MUS81: variants seen among roughly 807,000 people sequenced by gnomAD.
MUS81 encodes the protein structure-specific endonuclease subunit MUS81.
Under a neutral mutation model 74.2 loss-of-function variants are expected in MUS81, and 69 were observed. The observed-to-expected ratio is 0.93, with a 90% CI of 0.77 to 1.14. The LOEUF (loss-of-function observed/expected upper bound fraction) is 1.14. Ranked by LOEUF, MUS81 falls within the 50% of genes most tolerant of loss-of-function variation. The pLI is 0.00. For synonymous variants in MUS81, 303 were observed against 300.6 expected (o/e 1.01, Z -0.08); for missense variants, 711 against 726.5 (o/e 0.98, Z 0.25).
At chr11:65,865,403 G>T in intron 14 of MUS81, 80 bp downstream of exon 14, 1 of 1,408,992 alleles carries the variant, frequency 7.1e-7, no homozygotes, top group South Asian at 1.3e-5. Flanking sequence ...GCTTCGTGGA[G>T]GGGGCCTGGC....
Position 65,866,079 on chromosome 11 carries a change from C to T in MUS81, c.*27C>T. ...CTTATGCCGTGAAACAGCCCCCAGC[C>T]CCCGTCTGTCCCCCAACCCAGGCTA... On this transcript the variant is annotated 3_prime_UTR_variant, in exon 16 of 16. Transcript: ENST00000308110. 6.2e-7 allele frequency: 1 copy of T among 1,602,126 alleles called. No homozygotes were observed. The highest frequency in any genetic ancestry group is 2.2e-5 in the East Asian group (1 of 44,830).
In MUS81 at chr11:65,865,896, T is replaced by C. The variant is rs753023588; in HGVS notation, c.1589+2T>C. ...CATTAAGTGTGGGCGTCTACAGAGG[T>C]GAGGGCAAGAGACGGAACCTGGAGG... On this transcript the variant is annotated splice_donor_variant, in intron 15 of 15. Transcript: ENST00000308110. LOFTEE classifies it high-confidence loss of function. 1.9e-6 allele frequency: 3 copies of C among 1,613,636 alleles called. No homozygotes were observed. In the African/African-American group the frequency reaches 4.0e-5, roughly 22 times the overall value.
rs775139577 is a variant in MUS81 at position 65,865,338 on chromosome 11, G to A, written c.1505+15G>A. ...ACCCCTGCCAGGTAGGCCCTAAAGG[G>A]CCCTTAGGTGTCCTCAGCCCCTGCC... On this transcript the variant is annotated intron_variant, in intron 14 of 15. Transcript: ENST00000308110. 4 of 1,608,176 alleles carry A rather than the reference G, an allele frequency of 2.5e-6. No individual in the cohort carries two copies. The East Asian group carries it at 8.9e-5, about 36-fold the overall frequency.
chr11:65,865,703 A>G, intron 14 of MUS81, 108 bp from the exon 15 acceptor site: 1 of 1,122,088 alleles, frequency 8.9e-7, no homozygotes, highest in East Asian at 2.4e-5. Flanking sequence ...GAAGTGGGGC[A>G]GTGTCCCAAC....
intron 7 of MUS81, 45 bp downstream of exon 7, chr11:65,863,250 T>C (rs930599451): frequency 6.3e-7 from 1 of 1,591,376 alleles, no homozygotes; most frequent in Non-Finnish European, 8.6e-7. Flanking sequence ...GAGGAGGGGA[T>C]GGGAAATGAG....
Position 65,860,541 on chromosome 11 carries a change from A to C in MUS81, c.-213A>C. ...TCGTTAGAGACAGCGCCCCTGACCA[A>C]CCACTTAGAGCAGCGCAGGGGTGGG... On this transcript the variant is annotated 5_prime_UTR_variant, in exon 1 of 16. Transcript: ENST00000308110. 1.6e-6 allele frequency: 1 copy of C among 634,198 alleles called. No homozygotes were observed. The highest frequency in any genetic ancestry group is 2.7e-6 in the Non-Finnish European group (1 of 365,236). 39.3% of individuals were successfully genotyped at this position (634,198 alleles called of 1,614,324 possible).
In MUS81 at chr11:65,863,602, G is replaced by A; in HGVS notation, c.842G>A (p.Gly281Asp). The change falls in exon 9 of 16, where the codon GGC becomes GAC. Residue 281 changes from glycine to aspartate, a missense_variant and splice_region_variant. Gly to Asp is a moderately conservative substitution (Grantham distance 94). Coordinates refer to ENST00000308110, the MANE Select transcript of MUS81 (RefSeq NM_025128.5). Reference protein sequence around the residue: ...LCVDIGETRGGGHRPELLREL... With the variant: ...LCVDIGETRGDGHRPELLREL... ...GGCTTCCCTCCTTGCCACTCCAGGG[G>A]CGGGCACAGGCCGGAGCTGCTCCGA... 1.2e-6 allele frequency: 2 copies of A among 1,614,034 alleles called. No homozygotes were observed. The highest frequency in any genetic ancestry group is 1.7e-6 in the Non-Finnish European group (2 of 1,179,984).
intron 14 of MUS81, 54 bp from the exon 15 acceptor site, chr11:65,865,757 C>G: frequency 6.4e-7 from 1 of 1,557,540 alleles, no homozygotes; most frequent in African/African-American, 1.4e-5. Flanking sequence ...CCTCATGGTG[C>G]TGGCCCAGAG....
At chr11:65,861,165 C>G in intron 2 of MUS81, 63 bp downstream of exon 2, 1 of 1,606,770 alleles carries the variant, frequency 6.2e-7, no homozygotes, top group Non-Finnish European at 8.5e-7. Context: ...TCCGTACTCT[C>G]CTGGGAGCCC....
Position 65,860,602 on chromosome 11 carries a change from C to T in MUS81, c.-152C>T. On this transcript the variant is annotated 5_prime_UTR_variant, in exon 1 of 16. Transcript: ENST00000308110. ...CAGGCTCTCCTCTCGTTAGTGCCCCCTGTGTTTGGGGCCCCGTGATCTCAA... is the reference window on the plus strand; with the variant it reads ...CAGGCTCTCCTCTCGTTAGTGCCCCTTGTGTTTGGGGCCCCGTGATCTCAA... 9.5e-7 allele frequency: 1 copy of T among 1,056,560 alleles called. No individual in the cohort carries two copies. The highest frequency in any genetic ancestry group is 1.4e-6 in the Non-Finnish European group (1 of 723,430). The allele number at this position is 1,056,560 out of a possible 1,614,324, so 65.4% of individuals were successfully genotyped here.
At position 65,861,083 on chromosome 11, in the gene MUS81, G is replaced by A; in HGVS notation, c.246G>A (p.Gln82=). The change falls in exon 2 of 16, where the codon CAG becomes CAA. Residue 82 remains glutamine (Q), a synonymous_variant. Coordinates refer to ENST00000308110, the MANE Select transcript of MUS81 (RefSeq NM_025128.5). ...GCCGGATGCTGGACGAGCGGCTGCA[G>A]CGGCACCGAACATCGGGCGGTGAGC... ...GLCRMLDERL[Q]RHRTSGGDHA... 6 of 1,612,608 alleles carry A rather than the reference G, an allele frequency of 3.7e-6. No individual in the cohort carries two copies. The highest frequency in any genetic ancestry group is 5.1e-6 in the Non-Finnish European group (6 of 1,179,984).
Position 65,861,455 on chromosome 11 carries a change from A to T in MUS81, c.351+20A>T. Reference sequence around the variant, plus strand: ...ATGCCAGTGAGGAAGGGGCAAGGGGAGTGGAAGGCAAAGTGGGAGTGCGGG... The same window carrying T: ...ATGCCAGTGAGGAAGGGGCAAGGGGTGTGGAAGGCAAAGTGGGAGTGCGGG... On this transcript the variant is annotated intron_variant, in intron 3 of 15. Transcript: ENST00000308110. The T allele has an allele frequency of 6.3e-7, 1 of 1,577,918 alleles. No individual in the cohort carries two copies.
Position 65,861,096 on chromosome 11 carries a change from TCGG to T in MUS81, c.260_262del (p.Ser87_Gly88delinsCys). 6.2e-7 allele frequency: 1 copy of T among 1,612,342 alleles called. No homozygotes were observed. The highest frequency in any genetic ancestry group is 8.5e-7 in the Non-Finnish European group (1 of 1,179,904). ...CGAGCGGCTGCAGCGGCACCGAACA[TCGG>T]GCGGTGAGCGCCTCGGAAAGGGGTC... On this transcript the variant is annotated inframe_deletion, in exon 2 of 16. Transcript: ENST00000308110.
chr11:65,861,641 A>G (rs1859610011), intron 3 of MUS81: 1 of 607,488 alleles, frequency 1.6e-6, no homozygotes, highest in Non-Finnish European at 2.9e-6. Context: ...TGATCAAGCT[A>G]CTTAAGGATC....
rs765941773 is a variant in MUS81 at position 65,861,082 on chromosome 11, A to C, written c.245A>C (p.Gln82Pro). 3.7e-6 allele frequency: 6 copies of C among 1,612,558 alleles called. No individual in the cohort carries two copies. The highest frequency in any genetic ancestry group is 5.1e-6 in the Non-Finnish European group (6 of 1,179,970). ...GLCRMLDERL[Q>P]RHRTSGGDHA... ...TGCCGGATGCTGGACGAGCGGCTGC[A>C]GCGGCACCGAACATCGGGCGGTGAG... is the stretch of plus-strand genomic sequence containing the variant. The change falls in exon 2 of 16, where the codon CAG becomes CCG. Residue 82 changes from glutamine (Q) to proline (P), a missense_variant. Transcript: ENST00000308110.
upstream of MUS81, chr11:65,860,135 C>A: frequency 2.5e-6 from 1 of 406,694 alleles, no homozygotes. Context: ...GGTCCTGCAG[C>A]TCCTCCTGCC....
Position 65,863,595 on chromosome 11 carries a change from T to G in MUS81, c.840-5T>G. On this transcript the variant is annotated splice_polypyrimidine_tract_variant and splice_region_variant and intron_variant, in intron 8 of 15. Coordinates refer to ENST00000308110, the MANE Select transcript of MUS81 (RefSeq NM_025128.5). ...TGATCTAGGCTTCCCTCCTTGCCAC[T>G]CCAGGGGCGGGCACAGGCCGGAGCT... is the stretch of plus-strand genomic sequence containing the variant. 1 of 1,613,980 alleles carries G rather than the reference T, an allele frequency of 6.2e-7. No homozygotes were observed. The highest frequency in any genetic ancestry group is 8.5e-7 in the Non-Finnish European group (1 of 1,179,956).
chr11:65,867,334 C>G (rs956609075), downstream of MUS81: 4 of 561,456 alleles, frequency 7.1e-6, no homozygotes, highest in Non-Finnish European at 9.6e-6. Flanking sequence ...GGCTAACTGA[C>G]GATTCAAGGC....
intron 14 of MUS81, 139 bp downstream of exon 14, chr11:65,865,462 T>C (rs1166876007): frequency 1.6e-5 from 15 of 919,362 alleles, no homozygotes; most frequent in Non-Finnish European, 2.2e-5. Flanking sequence ...AGGGTGCTCG[T>C]GGAGGTCAAG....
Sources: gnomAD v4.1 joint callset for allele counts on GRCh38, gnomAD v4.1.1 for gene constraint, MANE v1.5 for transcripts, NCBI Gene and HGNC (gene_info 2026-07-23, HGNC 2026-07-21) for gene names.